PTPN4: variants seen among roughly 807,000 people sequenced by gnomAD.
PTPN4 encodes the protein protein tyrosine phosphatase non-receptor type 4.
In PTPN4, 49 loss-of-function variants were observed where a neutral mutation model predicts 135.5. That is an observed-to-expected ratio of 0.36 (90% CI 0.29 to 0.46). The LOEUF (loss-of-function observed/expected upper bound fraction) is 0.46, where lower values mean the gene tolerates loss of function less well. Among genes scored for constraint, PTPN4 ranks in the 20% least tolerant of loss-of-function variants. The pLI is 1.00. For synonymous variants in PTPN4, 333 were observed against 369.9 expected (o/e 0.90, Z 1.14); for missense variants, 860 against 1,101.0 (o/e 0.78, Z 3.10).
intron 2 of PTPN4, among the ~76,000 whole-genome samples, chr2:119,844,526 A>C (rs1198114692): frequency 4.3e-5 from 6 of 140,082 alleles, no homozygotes; most frequent in Non-Finnish European, 9.3e-5. Context: ...GGGTCTCCTC[A>C]CTTCTCAGAC....
chr2:119,937,216 TG>T (rs1258362391), intron 15 of PTPN4, among the ~76,000 whole-genome samples: 5 of 152,246 alleles, frequency 3.3e-5, no homozygotes, highest in Admixed American at 3.3e-4. Flanking sequence ...TAAAATACTT[TG>T]CAGCTTGGAA....
intron 2 of PTPN4, among the ~76,000 whole-genome samples, chr2:119,848,305 C>G (rs564107923): frequency 4.3e-4 from 65 of 151,956 alleles, no homozygotes; most frequent in Non-Finnish European, 8.2e-4. Context: ...TCCCGAGTAA[C>G]TGGGACTACA....
chr2:119,957,631 G>GA (rs1291572517), intron 22 of PTPN4, among the ~76,000 whole-genome samples: 2 of 149,604 alleles, frequency 1.3e-5, no homozygotes, highest in East Asian at 2.0e-4. Context: ...TTCTTACCTG[G>GA]AAAAAAAAAT....
chr2:119,785,185 A>T (rs547550636), intron 1 of PTPN4, among the ~76,000 whole-genome samples: 72 of 152,326 alleles, frequency 4.7e-4, no homozygotes, highest in Non-Finnish European at 8.4e-4. Flanking sequence ...TACATTGCCA[A>T]GTGTTCCGTG....
intron 2 of PTPN4, among the ~76,000 whole-genome samples, chr2:119,824,901 T>C (rs1336515131): frequency 6.6e-6 from 1 of 152,198 alleles, no homozygotes; most frequent in African/African-American, 2.4e-5. Context: ...TTGGCCAGGC[T>C]GGTCTCAATT....
chr2:119,953,338 G>A (rs1205819334), intron 19 of PTPN4, among the ~76,000 whole-genome samples: 1 of 152,120 alleles, frequency 6.6e-6, no homozygotes, highest in Non-Finnish European at 1.5e-5. Context: ...AATTTTGCAA[G>A]GATATTTCTT....
chr2:119,981,173 A>G lies in PTPN4; in HGVS notation c.*4103A>G, dbSNP rs993560710. 2 of 152,050 alleles carry G rather than the reference A, an allele frequency of 1.3e-5. No individual in the cohort carries two copies. The highest frequency in any genetic ancestry group is 2.9e-5 in the Non-Finnish European group (2 of 67,944). 9.4% of individuals were successfully genotyped at this position (152,050 alleles called of 1,614,324 possible). ...TTGTGGTAGTTACTTTATAGTTCAG[A>G]TGAATTTGCATTTCAGTCACTTATA... On this transcript the variant is annotated 3_prime_UTR_variant, in exon 27 of 27. Coordinates refer to ENST00000263708, the MANE Select transcript of PTPN4 (RefSeq NM_002830.4).
rs576864950 is a variant in PTPN4 at position 119,760,162 on chromosome 2, C to T, written c.-240C>T. 2.3e-5 allele frequency: 9 copies of T among 393,532 alleles called. No individual in the cohort carries two copies. The South Asian group carries it at 1.2e-3, about 53-fold the overall frequency. The allele number at this position is 393,532 out of a possible 1,614,324, so 24.4% of individuals were successfully genotyped here. A position where few individuals can be genotyped will look rare whatever the true frequency, so the allele number is the denominator to read the frequency against. On this transcript the variant is annotated 5_prime_UTR_variant, in exon 1 of 27. Transcript: ENST00000263708. Reference sequence around the variant, plus strand: ...GGAGGTAGGAGAGGTCGCCGGCTGCCCGCCTCCCTGCCACCTCCCCAGCGG... The same window carrying T: ...GGAGGTAGGAGAGGTCGCCGGCTGCTCGCCTCCCTGCCACCTCCCCAGCGG...
intron 1 of PTPN4, among the ~76,000 whole-genome samples, chr2:119,807,838 C>T (rs1254581194): frequency 1.3e-5 from 2 of 152,172 alleles, no homozygotes; most frequent in Non-Finnish European, 2.9e-5. Flanking sequence ...AAAATACTGG[C>T]AAACTGAATC....
chr2:119,762,362 A>G (rs532091262), intron 1 of PTPN4, among the ~76,000 whole-genome samples: 9 of 151,882 alleles, frequency 5.9e-5, no homozygotes, highest in Non-Finnish European at 1.2e-4. Context: ...AACTTGTATG[A>G]CTTCGTTAGG....
intron 15 of PTPN4, among the ~76,000 whole-genome samples, chr2:119,943,640 C>T (rs2105046106): frequency 8.3e-6 from 1 of 121,000 alleles, no homozygotes; most frequent in Non-Finnish European, 1.6e-5. Flanking sequence ...AGTTGGAGTG[C>T]AGTGGCGCGA....
intron 1 of PTPN4, among the ~76,000 whole-genome samples, chr2:119,760,839 A>T (rs1690477183): frequency 8.4e-6 from 1 of 118,672 alleles, no homozygotes; most frequent in Non-Finnish European, 1.6e-5. Context: ...TTCTACCAGT[A>T]TATACCTGTA....
intron 1 of PTPN4, among the ~76,000 whole-genome samples, chr2:119,782,436 A>G (rs1690958070): frequency 6.6e-6 from 1 of 152,136 alleles, no homozygotes; most frequent in Non-Finnish European, 1.5e-5. Flanking sequence ...AAAAGAAAAA[A>G]AAATTCTTAA....
rs557135305 is a variant in PTPN4, at chr2:119,759,995, C to T, written c.-407C>T. The T allele has an allele frequency of 1.6e-5, 6 of 380,472 alleles. No individual in the cohort carries two copies. Among genetic ancestry groups the T allele is most frequent in the Non-Finnish European group, 2.8e-5 (6 of 214,860 alleles). The allele number at this position is 380,472 out of a possible 1,614,324, so 23.6% of individuals were successfully genotyped here. On this transcript the variant is annotated 5_prime_UTR_variant, in exon 1 of 27. Transcript: ENST00000263708. ...CGCCCCACCACCAACATTGTTCTCT[C>T]AGGACTCCTGGGTCCCAGGGGCCGG...
intron 1 of PTPN4, among the ~76,000 whole-genome samples, chr2:119,769,815 T>G (rs1690702056): frequency 6.6e-6 from 1 of 152,248 alleles, no homozygotes; most frequent in Admixed American, 6.5e-5. Context: ...CTGAGTGAAC[T>G]TTGATATGTA....
intron 2 of PTPN4, among the ~76,000 whole-genome samples, chr2:119,844,738 G>A (rs1677459667): frequency 7.0e-6 from 1 of 142,832 alleles, no homozygotes; most frequent in South Asian, 2.3e-4. Context: ...ATGGGATGGC[G>A]GCCGGGCGGA....
At chr2:119,796,017 G>A (rs1302525300) in intron 1 of PTPN4, among the ~76,000 whole-genome samples, 1 of 152,226 alleles carries the variant, frequency 6.6e-6, no homozygotes, top group Admixed American at 6.5e-5. Context: ...GGTGCCTGCG[G>A]GCCCCTGAGA....
At chr2:119,839,204 T>C (rs1207573736) in intron 2 of PTPN4, among the ~76,000 whole-genome samples, 2 of 152,164 alleles carry the variant, frequency 1.3e-5, no homozygotes, top group African/African-American at 4.8e-5. Context: ...AGTCCCCTTC[T>C]CCAATATGAT....
intron 26 of PTPN4, among the ~76,000 whole-genome samples, chr2:119,974,042 G>A (rs372823173): frequency 3.4e-4 from 51 of 152,182 alleles, no homozygotes; most frequent in African/African-American, 1.2e-3. Flanking sequence ...GGAAAGGCAA[G>A]AAAAACATTT....
Sources: gnomAD v4.1 joint callset for allele counts (sites outside exome capture counted in the v4.1 genomes callset) on GRCh38, gnomAD v4.1.1 for gene constraint, MANE v1.5 for transcripts, NCBI Gene and HGNC (gene_info 2026-07-23, HGNC 2026-07-21) for gene names.